Variants in ZFYVE28 observed in about 807,000 individuals in gnomAD.
The protein encoded by ZFYVE28 is lateral signaling target protein 2 homolog.
A neutral mutation model predicts 82.1 loss-of-function variants in ZFYVE28; 40 were observed. The ratio of observed to expected loss-of-function variants is 0.49; its 90% CI spans 0.38 to 0.63. The LOEUF (loss-of-function observed/expected upper bound fraction) is 0.63, where lower values mean the gene tolerates loss of function less well. ZFYVE28 is among the 30% of genes least tolerant of loss of function. The probability of loss-of-function intolerance (pLI) is 0.00; values close to 1 mark genes in which losing one functional copy is unlikely to be tolerated. For synonymous variants in ZFYVE28, 612 were observed against 546.1 expected (o/e 1.12, Z -1.68); for missense variants, 1,321 against 1,242.1 (o/e 1.06, Z -0.96).
intron 6 of ZFYVE28, among the ~76,000 whole-genome samples, chr4:2,327,475 G>A (rs1266261769): frequency 1.3e-5 from 2 of 151,504 alleles, no homozygotes; most frequent in African/African-American, 4.9e-5. Flanking sequence ...TACAGGAAAG[G>A]CTTTCAATTT....
chr4:2,292,675 C>T (rs1260276964), intron 8 of ZFYVE28, among the ~76,000 whole-genome samples: 2 of 152,166 alleles, frequency 1.3e-5, no homozygotes, highest in East Asian at 1.9e-4. Context: ...CAAAAATCTT[C>T]GCACAAAGAA....
intron 1 of ZFYVE28, among the ~76,000 whole-genome samples, chr4:2,361,132 C>G (rs992760216): frequency 3.9e-5 from 6 of 152,074 alleles, no homozygotes; most frequent in Admixed American, 6.5e-5. Context: ...GATAAATTTT[C>G]TCAAAGATAA....
chr4:2,320,410 T>C lies in ZFYVE28; in HGVS notation c.702-139A>G. On this transcript the variant is annotated intron_variant, in intron 6 of 12. Transcript: ENST00000290974. This position sits in a 1 kb window ranked among gnomAD's most constrained non-coding sequence, Gnocchi z 5.1. Reference sequence around the variant, plus strand: ...CTGTCCCAGCACGGCCGCCGCCTCATGCTTTGCCTTGTGTGATTGCATTGT... The same window carrying C: ...CTGTCCCAGCACGGCCGCCGCCTCACGCTTTGCCTTGTGTGATTGCATTGT... The C allele has an allele frequency of 1.6e-6, 1 of 640,764 alleles. No homozygotes were observed. The highest frequency in any genetic ancestry group is 2.1e-5 in the South Asian group (1 of 48,444). The allele number at this position is 640,764 out of a possible 1,614,324, so 39.7% of individuals were successfully genotyped here. A position where few individuals can be genotyped will look rare whatever the true frequency, so the allele number is the denominator to read the frequency against.
At position 2,335,744 on chromosome 4, in the gene ZFYVE28, G is replaced by A. The variant is rs1443050438; in HGVS notation, c.662C>T (p.Pro221Leu). Residue 221 changes from proline to leucine, a missense_variant, in exon 6 of 13, where the codon CCG becomes CTG. Around this residue, in one of 2 missense-constraint regions of ZFYVE28, gnomAD observed 343 missense variants for 408.4 expected, o/e 0.84. Coordinates refer to ENST00000290974, the MANE Select transcript of ZFYVE28 (RefSeq NM_020972.3). The surrounding 1 kb of genome is among the most constrained non-coding windows in gnomAD (Gnocchi z 5.8). ...CCTGGGGATGCTGAACATGAGGGCC[G>A]GCTCGTAGTCATCAATCATGTCCTG... ...LTQDMIDDYE[P>L]ALMFSIPRLA... 7.6e-6 allele frequency: 12 copies of A among 1,575,462 alleles called. No individual in the cohort carries two copies. The highest frequency in any genetic ancestry group is 1.0e-5 in the Non-Finnish European group (12 of 1,160,548).
At chr4:2,270,898 C>T (rs1735848271) in intron 12 of ZFYVE28, 42 bp from the exon 13 acceptor site, 1 of 1,598,518 alleles carries the variant, frequency 6.3e-7, no homozygotes, top group South Asian at 1.1e-5. Flanking sequence ...GGCAGACCAG[C>T]CCCACCCACC....
intron 4 of ZFYVE28, among the ~76,000 whole-genome samples, chr4:2,337,995 T>C (rs557171857): frequency 2.6e-5 from 4 of 152,320 alleles, no homozygotes; most frequent in Admixed American, 6.5e-5. Flanking sequence ...TGCGGGACAG[T>C]TGTGCCAGCT....
At chr4:2,321,145 T>C (rs1719014676) in intron 6 of ZFYVE28, among the ~76,000 whole-genome samples, 1 of 152,028 alleles carries the variant, frequency 6.6e-6, no homozygotes, top group Non-Finnish European at 1.5e-5. Context: ...CACCCACGAA[T>C]TCGTCCCCTG....
In ZFYVE28 at chr4:2,300,273, C is replaced by A. The variant is rs1577968592; in HGVS notation, c.2051+4016G>T. 6.6e-6 allele frequency among the ~76,000 whole-genome samples: 1 copy of A among 152,316 alleles called. No homozygotes were observed. Among genetic ancestry groups the A allele is most frequent in the Non-Finnish European group, 1.5e-5 (1 of 68,016 alleles). On this transcript the variant is annotated intron_variant, in intron 8 of 12. Coordinates refer to ENST00000290974, the MANE Select transcript of ZFYVE28 (RefSeq NM_020972.3). This position sits in a 1 kb window ranked among gnomAD's most constrained non-coding sequence, Gnocchi z 4.6. ...GACTTTCTGTCATCTAGACAAGTAA[C>A]TTCCAAGGGTGACTTCGAGAGGACG...
At chr4:2,305,607 C>G in intron 7 of ZFYVE28, 71 bp from the exon 8 acceptor site, 1 of 1,579,806 alleles carries the variant, frequency 6.3e-7, no homozygotes, top group Non-Finnish European at 8.6e-7. Flanking sequence ...CAGGAGTGGA[C>G]GCAGCACCCT....
At chr4:2,283,577 C>CCCATCCATCCATCCAT (rs564572115) in intron 8 of ZFYVE28, among the ~76,000 whole-genome samples, 2,724 of 147,128 alleles carry the variant, frequency 0.019, 50 homozygotes, top group Non-Finnish European at 0.028. Flanking sequence ...CGTCCATCCA[C>CCCATCCATCCATCCAT]CCATCCATCC....
intron 1 of ZFYVE28, chr4:2,364,687 T>G (rs1243695819): frequency 5.1e-6 from 5 of 985,380 alleles, no homozygotes; most frequent in Non-Finnish European, 6.0e-6. Flanking sequence ...GACAAGCCCT[T>G]AGCACCTCGC....
At position 2,320,067 on chromosome 4, in the gene ZFYVE28, AGAG is replaced by A. The variant is rs1251147123; in HGVS notation, c.803+100_803+102del. Reference sequence around the variant, plus strand: ...TTAACCAGCCCATCCTTCCTCACAGAGAGGAGGAGGACCTGGAGGCGGCGGCTA... The same window carrying A: ...TTAACCAGCCCATCCTTCCTCACAGAGAGGAGGACCTGGAGGCGGCGGCTA... On this transcript the variant is annotated intron_variant, in intron 7 of 12. Transcript: ENST00000290974. The surrounding 1 kb of genome is among the most constrained non-coding windows in gnomAD (Gnocchi z 5.1). The A allele has an allele frequency of 8.5e-6, 9 of 1,057,012 alleles. No individual in the cohort carries two copies. Among genetic ancestry groups the A allele is most frequent in the South Asian group, 4.3e-5 (3 of 70,044 alleles). 65.5% of individuals were successfully genotyped at this position (1,057,012 alleles called of 1,614,324 possible).
intron 8 of ZFYVE28, among the ~76,000 whole-genome samples, chr4:2,288,501 C>G (rs1449524989): frequency 6.6e-6 from 1 of 152,188 alleles, no homozygotes; most frequent in African/African-American, 2.4e-5. Context: ...AGGAGACCCC[C>G]GAGGGGACCT....
At chr4:2,317,448 G>A (rs1251433811) in intron 7 of ZFYVE28, among the ~76,000 whole-genome samples, 1 of 152,180 alleles carries the variant, frequency 6.6e-6, no homozygotes, top group African/African-American at 2.4e-5. Context: ...GGAGTAGGTT[G>A]AGGTTTGGCT....
In ZFYVE28 at chr4:2,320,148, C is replaced by T; in HGVS notation, c.803+22G>A. On this transcript the variant is annotated intron_variant, in intron 7 of 12. Coordinates refer to ENST00000290974, the MANE Select transcript of ZFYVE28 (RefSeq NM_020972.3). The surrounding 1 kb of genome is among the most constrained non-coding windows in gnomAD (Gnocchi z 5.1). ...CCTCCTGTCCCCCTCCCCTCCCCCACCTCCTCTAGCTCCATCCCCACCTTA... is the reference window on the plus strand; with the variant it reads ...CCTCCTGTCCCCCTCCCCTCCCCCATCTCCTCTAGCTCCATCCCCACCTTA... The T allele has an allele frequency of 1.9e-6, 3 of 1,595,056 alleles. No individual in the cohort carries two copies. The East Asian group carries it at 6.7e-5, about 36-fold the overall frequency.
chr4:2,396,708 C>T lies in ZFYVE28; in HGVS notation c.39+21577G>A, dbSNP rs28687234. On this transcript the variant is annotated intron_variant, in intron 1 of 12. Coordinates refer to ENST00000290974, the MANE Select transcript of ZFYVE28 (RefSeq NM_020972.3). ...GGGTGTCTGAGCTGATGGGACCAGC[C>T]ATCCTGCAGAGGGGCCACAAGGCGG... is the stretch of plus-strand genomic sequence containing the variant. Among the ~76,000 whole-genome samples, 9 of 34,368 alleles carry T rather than the reference C, an allele frequency of 2.6e-4. 3 individuals carry two copies. Among genetic ancestry groups the T allele is most frequent in the Non-Finnish European group, 7.0e-4 (9 of 12,942 alleles). 22.5% of individuals were successfully genotyped at this position (34,368 alleles called of 152,430 possible).
In ZFYVE28 at chr4:2,332,175, C is replaced by T. The variant is rs939004724; in HGVS notation, c.701+3530G>A. On this transcript the variant is annotated intron_variant, in intron 6 of 12. Coordinates refer to ENST00000290974, the MANE Select transcript of ZFYVE28 (RefSeq NM_020972.3). The surrounding 1 kb of genome is among the most constrained non-coding windows in gnomAD (Gnocchi z 4.7). ...GGAGCTCCACCCTCAGCTCCTGCCC[C>T]GCTCAGCACCCCTGCCTCCCCTCTG... Among the ~76,000 whole-genome samples, 3 of 152,258 alleles carry T rather than the reference C, an allele frequency of 2.0e-5. No individual in the cohort carries two copies. Among genetic ancestry groups the T allele is most frequent in the Non-Finnish European group, 4.4e-5 (3 of 67,994 alleles).
At chr4:2,337,763 T>G (rs1332001050) in intron 4 of ZFYVE28, among the ~76,000 whole-genome samples, 1 of 152,120 alleles carries the variant, frequency 6.6e-6, no homozygotes, top group Non-Finnish European at 1.5e-5. Context: ...CTCTGCTACT[T>G]GGGAGGCTGA....
In ZFYVE28 at chr4:2,410,298, C is replaced by T. The variant is rs376609227; in HGVS notation, c.39+7987G>A. Among the ~76,000 whole-genome samples, 131 of 152,166 alleles carry T rather than the reference C, an allele frequency of 8.6e-4. 1 individual carries two copies. The highest frequency in any genetic ancestry group is 2.7e-3 in the Admixed American group (41 of 15,272). ...CTTCCACTCTCCAACCCCTGGCAAC[C>T]GCCGATCTGCTTTCTGTCTCAATGG... On this transcript the variant is annotated intron_variant, in intron 1 of 12. Coordinates refer to ENST00000290974, the MANE Select transcript of ZFYVE28 (RefSeq NM_020972.3).
Sources: gnomAD v4.1 joint callset for allele counts (sites outside exome capture counted in the v4.1 genomes callset) on GRCh38, gnomAD v4.1.1 for gene constraint, gnomAD v4.1.1 regional missense constraint, Gnocchi (gnomAD v3.1) non-coding constraint, MANE v1.5 for transcripts, NCBI Gene and HGNC (gene_info 2026-07-23, HGNC 2026-07-21) for gene names.